FUBP1: variants seen among roughly 807,000 people sequenced by gnomAD.
The protein encoded by FUBP1 is far upstream element binding protein 1.
A neutral mutation model predicts 94.9 loss-of-function variants in FUBP1; 16 were observed. The observed-to-expected ratio is 0.17, with a 90% CI of 0.11 to 0.26. The LOEUF (loss-of-function observed/expected upper bound fraction) is 0.26, where lower values mean the gene tolerates loss of function less well. FUBP1 is among the 10% of genes least tolerant of loss of function. FUBP1 has a pLI of 1.00. For missense variants in FUBP1, 583 were observed against 808.6 expected, an observed-to-expected ratio of 0.72 and a Z score of 3.38; for synonymous variants, 279 against 254.9, an observed-to-expected ratio of 1.09 and a Z score of -0.90.
chr1:77,974,886 C>A (rs1658314042), intron 1 of FUBP1, among the ~76,000 whole-genome samples: 1 of 152,196 alleles, frequency 6.6e-6, no homozygotes, highest in South Asian at 2.1e-4. Flanking sequence ...TATAGTCCCT[C>A]AGTATCCCTG....
chr1:77,970,801 T>G (rs897580382), intron 1 of FUBP1, among the ~76,000 whole-genome samples: 11 of 152,118 alleles, frequency 7.2e-5, no homozygotes, highest in African/African-American at 2.7e-4. Context: ...TCTTAGCACT[T>G]TGGGAGGTGG....
At chr1:77,978,391 G>A (rs1157858167) in intron 1 of FUBP1, among the ~76,000 whole-genome samples, 1 of 152,242 alleles carries the variant, frequency 6.6e-6, no homozygotes, top group Non-Finnish European at 1.5e-5. Context: ...TCCCTTCCTT[G>A]TAGAGGTGTG....
In FUBP1 at chr1:77,945,871, ATAT is replaced by A. The variant is rs1652037447; in HGVS notation, c.*2892_*2894del. ...ATTAAATGCAGCGTCAGTTATTAAAATATTATTAAATCAGAAAAATACTGATTG... is the reference window on the plus strand; with the variant it reads ...ATTAAATGCAGCGTCAGTTATTAAAATATTAAATCAGAAAAATACTGATTG... On this transcript the variant is annotated 3_prime_UTR_variant, in exon 20 of 20. Coordinates refer to ENST00000370768, the MANE Select transcript of FUBP1 (RefSeq NM_003902.5). The A allele has an allele frequency of 4.8e-6, 1 of 209,484 alleles. No homozygotes were observed. The highest frequency in any genetic ancestry group is 2.3e-5 in the African/African-American group (1 of 44,044). The allele number at this position is 209,484 out of a possible 1,614,324, so 13.0% of individuals were successfully genotyped here.
chr1:77,974,014 A>C (rs1473644617), intron 1 of FUBP1, among the ~76,000 whole-genome samples: 1 of 152,124 alleles, frequency 6.6e-6, no homozygotes, highest in Non-Finnish European at 1.5e-5. Context: ...CAACTACATA[A>C]AGGACCCAAC....
In FUBP1 at chr1:77,963,854, A is replaced by C. The variant is rs369349618; in HGVS notation, c.1042-139T>G. ...AGATGAACTGGCCCTAATAAGTAATAACATTTTTTAAAATACAAGAGTAAA... is the reference window on the plus strand; with the variant it reads ...AGATGAACTGGCCCTAATAAGTAATCACATTTTTTAAAATACAAGAGTAAA... On this transcript the variant is annotated intron_variant, in intron 12 of 19. Coordinates refer to ENST00000370768, the MANE Select transcript of FUBP1 (RefSeq NM_003902.5). 45 of 736,364 alleles carry C rather than the reference A, an allele frequency of 6.1e-5. No individual in the cohort carries two copies. The African/African-American group carries it at 6.2e-4, about 10-fold the overall frequency. 45.6% of individuals were successfully genotyped at this position (736,364 alleles called of 1,614,324 possible).
chr1:77,952,183 G>T (rs959266578), intron 18 of FUBP1, among the ~76,000 whole-genome samples: 1 of 151,942 alleles, frequency 6.6e-6, no homozygotes, highest in East Asian at 1.9e-4. Flanking sequence ...TGCTGCAAGT[G>T]AGCCGAGATC....
At chr1:77,968,771 A>G (rs749595527) in intron 2 of FUBP1, among the ~76,000 whole-genome samples, 1 of 152,160 alleles carries the variant, frequency 6.6e-6, no homozygotes, top group South Asian at 2.1e-4. Flanking sequence ...CAAAGCAACT[A>G]CATGACTACC....
intron 1 of FUBP1, among the ~76,000 whole-genome samples, chr1:77,972,909 G>T (rs1377348883): frequency 2.0e-5 from 3 of 151,584 alleles, no homozygotes; most frequent in Non-Finnish European, 2.9e-5. Flanking sequence ...CAATAAAGAA[G>T]CCAGGCTCAG....
At position 77,964,110 on chromosome 1, in the gene FUBP1, T is replaced by A; in HGVS notation, c.993A>T (p.Arg331=). Residue 331 remains arginine (R), a synonymous_variant, in exon 12 of 20, where the codon CGA becomes CGT. Transcript: ENST00000370768. ...RIAQITGPPD[R]CQHAAEIITD... ...TAATAATTTCTGCAGCATGTTGACA[T>A]CGGTCTGGAGGTCCTGTTATTTGTG... 6.2e-7 allele frequency: 1 copy of A among 1,608,980 alleles called. No homozygotes were observed. The highest frequency in any genetic ancestry group is 8.5e-7 in the Non-Finnish European group (1 of 1,175,294).
intron 18 of FUBP1, among the ~76,000 whole-genome samples, chr1:77,952,602 T>G (rs1653690067): frequency 6.6e-6 from 1 of 152,216 alleles, no homozygotes. Flanking sequence ...ATCTCCCTAT[T>G]ATTCCCTTTC....
chr1:77,975,134 T>C (rs1658358254), intron 1 of FUBP1, among the ~76,000 whole-genome samples: 1 of 152,250 alleles, frequency 6.6e-6, no homozygotes, highest in South Asian at 2.1e-4. Flanking sequence ...CATGGTTGGC[T>C]GAATTTGCAG....
chr1:77,972,527 G>A (rs956248876), intron 1 of FUBP1, among the ~76,000 whole-genome samples: 2 of 150,128 alleles, frequency 1.3e-5, no homozygotes, highest in Non-Finnish European at 3.0e-5. Flanking sequence ...GGGCGGGGGG[G>A]ATCATGAGTT....
chr1:77,974,468 C>T (rs1486429661), intron 1 of FUBP1, among the ~76,000 whole-genome samples: 1 of 152,020 alleles, frequency 6.6e-6, no homozygotes, highest in African/African-American at 2.4e-5. Context: ...AGGGTTTCAC[C>T]ATGTTGCCTA....
chr1:77,974,887 A>T (rs1259097143), intron 1 of FUBP1, among the ~76,000 whole-genome samples: 1 of 152,214 alleles, frequency 6.6e-6, no homozygotes, highest in Non-Finnish European at 1.5e-5. Flanking sequence ...ATAGTCCCTC[A>T]GTATCCCTGG....
In FUBP1 at chr1:77,948,334, GT is replaced by G; in HGVS notation, c.*431del. ...GGAAAGCTTATATATTTGTGTATAT[GT>G]ATCTTAATTTATCATTGCTAAGAAA... On this transcript the variant is annotated 3_prime_UTR_variant, in exon 20 of 20. Transcript: ENST00000370768. 9.5e-7 allele frequency: 1 copy of G among 1,050,558 alleles called. No homozygotes were observed. The highest frequency in any genetic ancestry group is 5.1e-5 in the East Asian group (1 of 19,532). The allele number at this position is 1,050,558 out of a possible 1,614,324, so 65.1% of individuals were successfully genotyped here.
chr1:77,956,976 C>G (rs1296124472), intron 16 of FUBP1, among the ~76,000 whole-genome samples: 1 of 152,160 alleles, frequency 6.6e-6, no homozygotes, highest in African/African-American at 2.4e-5. Flanking sequence ...TCTTTTGGCT[C>G]CAAATCCAAT....
rs1387415417 is a variant in FUBP1, at chr1:77,979,038, G to C, written c.-34C>G. 2 of 1,578,376 alleles carry C rather than the reference G, an allele frequency of 1.3e-6. No homozygotes were observed. The highest frequency in any genetic ancestry group is 1.1e-5 in the South Asian group (1 of 89,226). On this transcript the variant is annotated 5_prime_UTR_variant, in exon 1 of 20. Transcript: ENST00000370768. ...TATAAGAGCCGCTGCCGCCTGTTCA[G>C]AGACTTCCTCTCAGCTAACAGCTAA...
chr1:77,964,508 T>TA (rs1656111222), intron 10 of FUBP1, 138 bp downstream of exon 10: 1 of 665,690 alleles, frequency 1.5e-6, no homozygotes, highest in Admixed American at 2.8e-5. Flanking sequence ...GGTAACAAGA[T>TA]ATATAGAATT....
intron 18 of FUBP1, among the ~76,000 whole-genome samples, chr1:77,950,807 T>C (rs1295245480): frequency 6.6e-6 from 1 of 152,176 alleles, no homozygotes; most frequent in Non-Finnish European, 1.5e-5. Context: ...ACCAATTTCA[T>C]AGTTTCAGAA....
Sources: gnomAD v4.1 joint callset for allele counts (sites outside exome capture counted in the v4.1 genomes callset) on GRCh38, gnomAD v4.1.1 for gene constraint, MANE v1.5 for transcripts, NCBI Gene and HGNC (gene_info 2026-07-23, HGNC 2026-07-21) for gene names.